ZFP92: variants seen among roughly 807,000 people sequenced by gnomAD.
ZFP92 encodes the protein ZFP92 zinc finger protein.
A neutral mutation model predicts 7.6 loss-of-function variants in ZFP92; 2 were observed. The ratio of observed to expected loss-of-function variants is 0.26; its 90% CI spans 0.11 to 0.83. The LOEUF (loss-of-function observed/expected upper bound fraction) is 0.83. Among genes scored for constraint, ZFP92 ranks in the 40% least tolerant of loss-of-function variants. The probability of loss-of-function intolerance (pLI) is 0.65; values close to 1 mark genes in which losing one functional copy is unlikely to be tolerated. For missense variants in ZFP92, 324 were observed against 408.3 expected (o/e 0.79, Z 1.78); for synonymous variants, 226 against 183.6 (o/e 1.23, Z -1.87).
At chrX:153,418,939 G>A in intron 4 of ZFP92, 140 bp downstream of exon 4, 2 of 897,503 alleles carry the variant, frequency 2.2e-6, no homozygotes, top group Non-Finnish European at 1.5e-6. Flanking sequence ...AGTAATGCCA[G>A]TAATCCATTG....
intron 2 of ZFP92, among the ~76,000 whole-genome samples, chrX:153,414,376 C>G (rs782774477): frequency 8.9e-6 from 1 of 111,758 alleles, no homozygotes; most frequent in South Asian, 3.8e-4. Context: ...GAGACAGAGT[C>G]TAGCTTTGTC....
intron 2 of ZFP92, among the ~76,000 whole-genome samples, chrX:153,414,984 G>A (rs1178891343): frequency 5.3e-5 from 6 of 113,670 alleles, no homozygotes; most frequent in African/African-American, 1.9e-4. Flanking sequence ...GGTTAGACCC[G>A]GGGACCGGGA....
chrX:153,417,997 G>A (rs186787691), intron 2 of ZFP92, among the ~76,000 whole-genome samples: 1,126 of 112,237 alleles, frequency 0.01, 10 homozygotes, highest in African/African-American at 0.035. Flanking sequence ...AAAATGGCGA[G>A]AAAGGGGCTT....
rs1325420944 is a variant in ZFP92, at chrX:153,413,451, C to T, written c.-19+1438C>T. Among the ~76,000 whole-genome samples the T allele has an allele frequency of 3.7e-5, 4 of 108,273 alleles. No homozygotes were observed. In the Admixed American group the frequency reaches 4.0e-4, roughly 11 times the overall value. 94.0% of individuals were successfully genotyped at this position (108,273 alleles called of 115,157 possible). A position where few individuals can be genotyped will look rare whatever the true frequency, so the allele number is the denominator to read the frequency against. On this transcript the variant is annotated intron_variant, in intron 2 of 5. Transcript: ENST00000338647. ...GGCTAAGGTCCGCAAGCAGGGGTCCCGGGTCCGAGGCCCCTCACAGAGGTG... is the reference window on the plus strand; with the variant it reads ...GGCTAAGGTCCGCAAGCAGGGGTCCTGGGTCCGAGGCCCCTCACAGAGGTG...
chrX:153,420,669 A>G lies in ZFP92; in HGVS notation c.292A>G (p.Thr98Ala), dbSNP rs1023271738. 1 of 1,116,273 alleles carries G rather than the reference A, an allele frequency of 9.0e-7. No individual in the cohort carries two copies. Among genetic ancestry groups the G allele is most frequent in the African/African-American group, 1.8e-5 (1 of 54,584 alleles). 92.0% of individuals were successfully genotyped at this position (1,116,273 alleles called of 1,213,427 possible). ...TGACAGAACACAGAGCAAGACGTCGACTTCAACGCAGAAGCATTCTGGACG... is the reference window on the plus strand; with the variant it reads ...TGACAGAACACAGAGCAAGACGTCGGCTTCAACGCAGAAGCATTCTGGACG... Reference protein sequence around the residue: ...IGDRTQSKTSTSTQKHSGRQL... With the variant: ...IGDRTQSKTSASTQKHSGRQL... Residue 98 changes from threonine (T) to alanine (A), a missense_variant, in exon 6 of 6, where the codon ACT becomes GCT. Physicochemically the swap from Thr to Ala is moderately conservative, Grantham distance 58. Coordinates refer to ENST00000338647, the MANE Select transcript of ZFP92 (RefSeq NM_001136273.2).
chrX:153,417,115 C>G lies in ZFP92; in HGVS notation c.-18-1190C>G, dbSNP rs782608519. On this transcript the variant is annotated intron_variant, in intron 2 of 5. Transcript: ENST00000338647. ...TGTGGAGACTCAGATATCCAACCCA[C>G]AGCACTGACTGCCATCTGGCATTGA... is the stretch of plus-strand genomic sequence containing the variant. Among the ~76,000 whole-genome samples the G allele has an allele frequency of 5.3e-5, 6 of 112,629 alleles. No individual in the cohort carries two copies. In the South Asian group the frequency reaches 2.2e-3, roughly 42 times the overall value.
chrX:153,416,561 C>T (rs781988679), intron 2 of ZFP92, among the ~76,000 whole-genome samples: 8 of 111,367 alleles, frequency 7.2e-5, no homozygotes, highest in Non-Finnish European at 1.5e-4. Flanking sequence ...GCGTTGTTGG[C>T]ACAAACAAAC....
In ZFP92 at chrX:153,422,533, G is replaced by A. The variant is rs2124301518; in HGVS notation, c.*905G>A. The stretch of plus-strand genomic sequence containing the variant: ...CTGCTCCCCAGACCCCACCAGCAAA[G>A]GCCACCCTGGCCTCTCTGTCCCCTG... On this transcript the variant is annotated 3_prime_UTR_variant, in exon 6 of 6. Transcript: ENST00000338647. The A allele has an allele frequency of 9.8e-6, 1 of 102,396 alleles. No homozygotes were observed. The highest frequency in any genetic ancestry group is 4.4e-4 in the South Asian group (1 of 2,293). 8.4% of individuals were successfully genotyped at this position (102,396 alleles called of 1,213,427 possible).
chrX:153,415,393 C>G lies in ZFP92; in HGVS notation c.-18-2912C>G, dbSNP rs1277637365. ...GGCTTCTTTCACTGAGCAGTGTCCT[C>G]AGGGTTCATCCACATGGTAGCATGT... On this transcript the variant is annotated intron_variant, in intron 2 of 5. Coordinates refer to ENST00000338647, the MANE Select transcript of ZFP92 (RefSeq NM_001136273.2). 4.3e-4 allele frequency among the ~76,000 whole-genome samples: 48 copies of G among 112,649 alleles called. No individual in the cohort carries two copies. The Admixed American group carries it at 4.5e-3, about 11-fold the overall frequency.
intron 1 of ZFP92, among the ~76,000 whole-genome samples, 94 bp downstream of exon 1, chrX:153,411,797 C>T (rs1225921914): frequency 1.8e-5 from 2 of 112,363 alleles, no homozygotes. Context: ...GAGGGAGCTG[C>T]GGCGGCGGCG....
intron 2 of ZFP92, 66 bp from the exon 3 acceptor site, chrX:153,418,239 G>T (rs937219586): frequency 1.1e-5 from 12 of 1,117,303 alleles, no homozygotes; most frequent in Non-Finnish European, 1.3e-5. Context: ...GGGTCTTCAA[G>T]CAGGTCGCAG....
rs2089021373 is a variant in ZFP92, at chrX:153,423,419, C to CACACAT, written c.*1796_*1797insTACACA. ...ACACACACACACACACACACACACA[C>CACACAT]ACACACACACACACGATATATATAG... On this transcript the variant is annotated 3_prime_UTR_variant, in exon 6 of 6. Coordinates refer to ENST00000338647, the MANE Select transcript of ZFP92 (RefSeq NM_001136273.2). 1 of 111,233 alleles carries CACACAT rather than the reference C, an allele frequency of 9.0e-6. No homozygotes were observed. The allele number at this position is 111,233 out of a possible 1,213,427, so 9.2% of individuals were successfully genotyped here. A position where few individuals can be genotyped will look rare whatever the true frequency, so the allele number is the denominator to read the frequency against.
intron 4 of ZFP92, among the ~76,000 whole-genome samples, chrX:153,419,220 T>C (rs1228865961): frequency 1.8e-5 from 2 of 112,971 alleles, no homozygotes; most frequent in African/African-American, 6.4e-5. Flanking sequence ...TTTCCTTCCA[T>C]TGACCAGGGA....
chrX:153,415,244 G>A (rs999823587), intron 2 of ZFP92, among the ~76,000 whole-genome samples: 18 of 112,698 alleles, frequency 1.6e-4, no homozygotes, highest in African/African-American at 5.2e-4. Flanking sequence ...AACTGCCCTC[G>A]AAGGGCATAG....
At position 153,422,181 on chromosome X, in the gene ZFP92, G is replaced by A. The variant is rs2089010361; in HGVS notation, c.*553G>A. Reference sequence around the variant, plus strand: ...TAAGAGTTGTTAGTGTTCCCAAGTAGAAGATACTGAAAGCACTTTAATCCT... The same window carrying A: ...TAAGAGTTGTTAGTGTTCCCAAGTAAAAGATACTGAAAGCACTTTAATCCT... On this transcript the variant is annotated 3_prime_UTR_variant, in exon 6 of 6. Transcript: ENST00000338647. The A allele has an allele frequency of 8.9e-6, 1 of 111,778 alleles. No individual in the cohort carries two copies. The highest frequency in any genetic ancestry group is 1.9e-5 in the Non-Finnish European group (1 of 53,211). The allele number at this position is 111,778 out of a possible 1,213,427, so 9.2% of individuals were successfully genotyped here.
At position 153,421,836 on chromosome X, in the gene ZFP92, C is replaced by A; in HGVS notation, c.*208C>A. 2.4e-6 allele frequency: 1 copy of A among 409,901 alleles called. No homozygotes were observed. The highest frequency in any genetic ancestry group is 3.4e-6 in the Non-Finnish European group (1 of 292,562). The allele number at this position is 409,901 out of a possible 1,213,427, so 33.8% of individuals were successfully genotyped here. Reference sequence around the variant, plus strand: ...AGGAAGGACTCAGAACCGAGGACTGCCGCCTGCCCTGGCTCCTCCATCAAC... The same window carrying A: ...AGGAAGGACTCAGAACCGAGGACTGACGCCTGCCCTGGCTCCTCCATCAAC... On this transcript the variant is annotated 3_prime_UTR_variant, in exon 6 of 6. Coordinates refer to ENST00000338647, the MANE Select transcript of ZFP92 (RefSeq NM_001136273.2).
rs781900713 is a variant in ZFP92 at position 153,421,171 on chromosome X, C to T, written c.794C>T (p.Ala265Val). 4 of 1,180,873 alleles carry T rather than the reference C, an allele frequency of 3.4e-6. No individual in the cohort carries two copies. In the South Asian group the frequency reaches 5.6e-5, roughly 16 times the overall value. ...ARVHSGERPY[A>V]CPECGKAFSR... ...GTGCACAGCGGCGAGCGGCCCTACG[C>T]GTGCCCAGAGTGCGGCAAGGCCTTC... The change falls in exon 6 of 6, where the codon GCG becomes GTG. Residue 265 changes from alanine (A) to valine (V), a missense_variant. By Grantham distance (64) the Ala-to-Val change is moderately conservative. Transcript: ENST00000338647.
intron 2 of ZFP92, among the ~76,000 whole-genome samples, chrX:153,416,812 G>C (rs1484259375): frequency 8.9e-6 from 1 of 111,896 alleles, no homozygotes; most frequent in African/African-American, 3.3e-5. Context: ...TTCAAGACTG[G>C]GCGTCTGCAT....
rs782275673 is a variant in ZFP92 at position 153,424,000 on chromosome X, A to G, written c.*2372A>G. ...CTAGGAGGTAAATGATTTCGTTCCTACAAGCCAGACAGTAGCCAGCTTTCA... is the reference window on the plus strand; with the variant it reads ...CTAGGAGGTAAATGATTTCGTTCCTGCAAGCCAGACAGTAGCCAGCTTTCA... On this transcript the variant is annotated 3_prime_UTR_variant, in exon 6 of 6. Coordinates refer to ENST00000338647, the MANE Select transcript of ZFP92 (RefSeq NM_001136273.2). The G allele has an allele frequency of 1.5e-4, 17 of 113,500 alleles. No homozygotes were observed. Among genetic ancestry groups the G allele is most frequent in the South Asian group, 7.2e-4 (2 of 2,787 alleles). The allele number at this position is 113,500 out of a possible 1,213,427, so 9.4% of individuals were successfully genotyped here.
Sources: gnomAD v4.1 joint callset for allele counts (sites outside exome capture counted in the v4.1 genomes callset) on GRCh38, gnomAD v4.1.1 for gene constraint, MANE v1.5 for transcripts, NCBI Gene and HGNC (gene_info 2026-07-23, HGNC 2026-07-21) for gene names.